The following SLC6A9 variants were observed in gnomAD, a reference collection of about 807,000 sequenced individuals.
SLC6A9 encodes sodium- and chloride-dependent glycine transporter 1.
Under a neutral mutation model 70.9 loss-of-function variants are expected in SLC6A9, and 31 were observed. The ratio of observed to expected loss-of-function variants is 0.44; its 90% confidence interval spans 0.33 to 0.59. The LOEUF is 0.59. Among genes scored for constraint, SLC6A9 ranks in the 20% least tolerant of loss-of-function variants. The probability of loss-of-function intolerance (pLI) is 0.04; values close to 1 mark genes in which losing one functional copy is unlikely to be tolerated. For synonymous variants in SLC6A9, 310 were observed against 341.3 expected (o/e 0.91, Z 1.01); for missense variants, 631 against 845.2 (o/e 0.75, Z 3.14).
intron 5 of SLC6A9, among the ~76,000 whole-genome samples, chr1:44,004,470 C>T (rs1022882812): frequency 2.6e-5 from 4 of 152,168 alleles, no homozygotes; most frequent in Non-Finnish European, 5.9e-5. Flanking sequence ...CTCAGCCTCC[C>T]GAGTAGATGG....
In SLC6A9 at chr1:44,001,170, G is replaced by T; in HGVS notation, c.1329C>A (p.Thr443=). 6.2e-7 allele frequency: 1 copy of T among 1,614,242 alleles called. No individual in the cohort carries two copies. The highest frequency in any genetic ancestry group is 2.2e-5 in the East Asian group (1 of 44,894). The change falls in exon 10 of 14, where the codon ACC becomes ACA. Residue 443 remains threonine, a synonymous_variant. Transcript: ENST00000372310. ...VAGFLLGIPL[T]SQAGIYWLLL... is the part of the protein sequence containing the mutation. ...TCCCTTACGCAGCTCTTACCTGGCT[G>T]GTGAGGGGGATGCCCAGCAGGAAGC...
chr1:44,013,590 C>A lies in SLC6A9; in HGVS notation c.31-2708G>T, dbSNP rs1456046706. Among the ~76,000 whole-genome samples, 2 of 152,232 alleles carry A rather than the reference C, an allele frequency of 1.3e-5. No individual in the cohort carries two copies. Among genetic ancestry groups the A allele is most frequent in the South Asian group, 2.1e-4 (1 of 4,832 alleles). ...ATCCTTGCAGAAGCAGCACCCACTT[C>A]TGCTTGGGCCTGGGTCCCAGCACTG... On this transcript the variant is annotated intron_variant, in intron 2 of 13. Transcript: ENST00000372310. The surrounding 1 kb of genome is among the most constrained non-coding windows in gnomAD (Gnocchi z 5.3).
chr1:44,017,428 G>A lies in SLC6A9; in HGVS notation c.31-6546C>T, dbSNP rs557379064. The A allele has an allele frequency of 3.4e-5, 38 of 1,120,914 alleles. No homozygotes were observed. In the African/African-American group the frequency reaches 5.0e-4, roughly 15 times the overall value. 69.4% of individuals were successfully genotyped at this position (1,120,914 alleles called of 1,614,324 possible). A position where few individuals can be genotyped will look rare whatever the true frequency, so the allele number is the denominator to read the frequency against. On this transcript the variant is annotated intron_variant, in intron 2 of 13. Transcript: ENST00000372310. ...ACACACAGACTGGGGCAGAGCAGGC[G>A]AGAGGGTGGCTCACTCCCCCCACGG... is the stretch of plus-strand genomic sequence containing the variant.
chr1:44,025,491 CAA>C (rs924105808), intron 1 of SLC6A9, among the ~76,000 whole-genome samples: 28 of 93,162 alleles, frequency 3.0e-4, no homozygotes, highest in Admixed American at 2.4e-4. Flanking sequence ...GGTTCCGTCT[CAA>C]AAAAAAAAAA....
At chr1:44,010,291 A>T in intron 3 of SLC6A9, 195 bp from the exon 4 acceptor site, 1 of 572,328 alleles carries the variant, frequency 1.7e-6, no homozygotes, top group South Asian at 2.1e-5. Flanking sequence ...GCTCTCAGGA[A>T]TTCTGCTTGG....
chr1:44,027,953 C>G (rs970710643), intron 1 of SLC6A9, among the ~76,000 whole-genome samples: 1 of 152,042 alleles, frequency 6.6e-6, no homozygotes, highest in Non-Finnish European at 1.5e-5. Flanking sequence ...CCAGCCTGGG[C>G]AAAAAGAGTG....
Position 43,997,992 on chromosome 1 carries a change from G to A in SLC6A9, c.1570C>T (p.Pro524Ser). The stretch of plus-strand genomic sequence containing the variant: ...TACTGGTAGTGGTTGTAGGTGATCG[G>A]CTGGTACTGGATCACAGTGAAAACT... The part of the protein sequence containing the change: ...ILVFTVIQYQ[P>S]ITYNHYQYPG... Residue 524 changes from proline (P) to serine (S), a missense_variant, in exon 13 of 14, where the codon CCG becomes TCG. By Grantham distance (74) the Pro-to-Ser change is moderately conservative (BLOSUM62 -1). Transcript: ENST00000372310. This position sits in a 1 kb window ranked among gnomAD's most constrained non-coding sequence, Gnocchi z 4.4. The A allele has an allele frequency of 3.1e-6, 5 of 1,613,980 alleles. No individual in the cohort carries two copies. The highest frequency in any genetic ancestry group is 4.2e-6 in the Non-Finnish European group (5 of 1,179,884).
intron 2 of SLC6A9, among the ~76,000 whole-genome samples, chr1:44,022,636 T>C (rs912543392): frequency 1.3e-5 from 2 of 151,728 alleles, no homozygotes; most frequent in Admixed American, 6.6e-5. Context: ...CAGGGCCAGA[T>C]AGAAGATCCT....
In SLC6A9 at chr1:44,001,461, G is replaced by C; in HGVS notation, c.1129C>G (p.Leu377Val). ...GACCACAGCGGGGAGATGGGAAGTAGTGTGAGGGCCTCGGGGTAAGCCACG... is the reference window on the plus strand; with the variant it reads ...GACCACAGCGGGGAGATGGGAAGTACTGTGAGGGCCTCGGGGTAAGCCACG... ...AFVAYPEALT[L>V]LPISPLWSLL... Residue 377 changes from leucine (L) to valine (V), a missense_variant, in exon 9 of 14, where the codon CTA becomes GTA. Coordinates refer to ENST00000372310, the MANE Select transcript of SLC6A9 (RefSeq NM_001024845.3). 1 of 1,614,224 alleles carries C rather than the reference G, an allele frequency of 6.2e-7. No homozygotes were observed. The highest frequency in any genetic ancestry group is 8.5e-7 in the Non-Finnish European group (1 of 1,180,038).
At position 44,010,841 on chromosome 1, in the gene SLC6A9, G is replaced by T. The variant is rs1199124787; in HGVS notation, c.72C>A (p.Asn24Lys). The T allele has an allele frequency of 3.1e-6, 5 of 1,614,122 alleles. No homozygotes were observed. The African/African-American group carries it at 5.3e-5, about 17-fold the overall frequency. The change falls in exon 3 of 14, where the codon AAC becomes AAA. Residue 24 changes from asparagine (N) to lysine (K), a missense_variant. Transcript: ENST00000372310. ...VPSEATKRDQ[N>K]LKRGNWGNQI... The stretch of plus-strand genomic sequence containing the variant: ...GGTTGCCCCAGTTGCCCCGTTTGAG[G>T]TTCTGGTCCCTCTTGGTGGCCTCGC...
intron 4 of SLC6A9, 146 bp from the exon 5 acceptor site, chr1:44,008,769 G>C (rs2086423810): frequency 1.5e-6 from 1 of 665,548 alleles, no homozygotes; most frequent in Non-Finnish European, 2.5e-6. Context: ...ACCCAGGCTG[G>C]AGTGCAGTGG....
chr1:44,003,045 A>G (rs914590135), intron 5 of SLC6A9, 60 bp from the exon 6 acceptor site: 3 of 1,603,014 alleles, frequency 1.9e-6, no homozygotes, highest in Non-Finnish European at 1.7e-6. Flanking sequence ...ACAAATTCCC[A>G]AGGCCCAGGG....
At chr1:44,008,274 C>T (rs1354180976) in intron 5 of SLC6A9, 79 bp downstream of exon 5, 3 of 1,461,550 alleles carry the variant, frequency 2.1e-6, no homozygotes, top group East Asian at 2.3e-5. Context: ...AGGCACCCTA[C>T]TTTGTCTTCA....
At position 44,013,522 on chromosome 1, in the gene SLC6A9, C is replaced by A. The variant is rs1260147658; in HGVS notation, c.31-2640G>T. 6.6e-6 allele frequency among the ~76,000 whole-genome samples: 1 copy of A among 152,212 alleles called. No homozygotes were observed. The highest frequency in any genetic ancestry group is 6.5e-5 in the Admixed American group (1 of 15,286). The stretch of plus-strand genomic sequence containing the variant: ...ACCGGGGTTGGCGACGGGGCTCTGG[C>A]AGGAAGTTTCTGACAACACTAAAGG... On this transcript the variant is annotated intron_variant, in intron 2 of 13. Transcript: ENST00000372310. This position sits in a 1 kb window ranked among gnomAD's most constrained non-coding sequence, Gnocchi z 5.3.
intron 12 of SLC6A9, among the ~76,000 whole-genome samples, chr1:43,999,122 G>A (rs1176775262): frequency 1.3e-5 from 2 of 152,046 alleles, no homozygotes; most frequent in Non-Finnish European, 2.9e-5. Flanking sequence ...CTTATAACAG[G>A]TTTCCTGAAT....
At chr1:44,022,718 C>CTTTTTTTTTTTTTTTT (rs777966364) in intron 2 of SLC6A9, among the ~76,000 whole-genome samples, 2 of 59,940 alleles carry the variant, frequency 3.3e-5, no homozygotes, top group Non-Finnish European at 6.7e-5. Flanking sequence ...TTCTTTCTTT[C>CTTTTTTTTTTTTTTTT]TTTCTTTTTT....
chr1:44,024,072 G>C (rs2086936850), intron 2 of SLC6A9, among the ~76,000 whole-genome samples, 176 bp downstream of exon 2: 2 of 152,208 alleles, frequency 1.3e-5, no homozygotes. Context: ...CGGGCTTGGA[G>C]CCTGATGCTC....
chr1:44,030,057 G>C (rs889023544), intron 1 of SLC6A9, among the ~76,000 whole-genome samples: 1 of 152,136 alleles, frequency 6.6e-6, no homozygotes. Flanking sequence ...AGTGATCCGC[G>C]AGGGGGTGTG....
chr1:43,997,713 G>A lies in SLC6A9; in HGVS notation c.1734C>T (p.Ser578=). The A allele has an allele frequency of 6.2e-7, 1 of 1,608,710 alleles. No homozygotes were observed. The highest frequency in any genetic ancestry group is 8.5e-7 in the Non-Finnish European group (1 of 1,177,784). The change falls in exon 14 of 14, where the codon AGC becomes AGT. Residue 578 remains serine (S), a synonymous_variant. Transcript: ENST00000372310. This position sits in a 1 kb window ranked among gnomAD's most constrained non-coding sequence, Gnocchi z 4.4. ...CCAGGAGGGCAGGGCCCCAGTCTCT[G>A]CTTGGCTTTGTGGCATTTTTCAAAC... ...LQRLKNATKP[S]RDWGPALLEH...
Sources: allele counts gnomAD v4.1 joint callset (sites outside exome capture counted in the v4.1 genomes callset), GRCh38; gene constraint gnomAD v4.1.1; non-coding constraint Gnocchi (gnomAD v3.1); transcripts MANE v1.5; gene names NCBI Gene and HGNC (gene_info 2026-07-23, HGNC 2026-07-21).